Variants in ZNF423 observed in about 807,000 individuals in gnomAD.
ZNF423 encodes Ebf-associated zinc finger protein.
A neutral mutation model predicts 95.8 loss-of-function variants in ZNF423; 12 were observed. The ratio of observed to expected loss-of-function variants is 0.13; its 90% confidence interval spans 0.08 to 0.20. The LOEUF is 0.20. Ranked by LOEUF, ZNF423 falls within the 10% of genes least tolerant of loss-of-function variation. The pLI is 1.00. For synonymous variants in ZNF423, 749 were observed against 711.9 expected, an observed-to-expected ratio of 1.05 and a Z score of -0.83; for missense variants, 1,316 against 1,737.1, an observed-to-expected ratio of 0.76 and a Z score of 4.31.
At chr16:49,576,076 C>A (rs536980060) in intron 5 of ZNF423, among the ~76,000 whole-genome samples, 3 of 152,366 alleles carry the variant, frequency 2.0e-5, no homozygotes, top group African/African-American at 7.2e-5. Flanking sequence ...TCATCTTACC[C>A]TGTTCATCCC....
At chr16:49,784,276 C>T (rs751962452) in intron 2 of ZNF423, among the ~76,000 whole-genome samples, 6 of 152,156 alleles carry the variant, frequency 3.9e-5, no homozygotes, top group Non-Finnish European at 7.3e-5. Flanking sequence ...TGACACACAC[C>T]TGTAGTCCCC....
chr16:49,740,946 C>T (rs1447815989), intron 2 of ZNF423, among the ~76,000 whole-genome samples: 1 of 152,202 alleles, frequency 6.6e-6, no homozygotes, highest in African/African-American at 2.4e-5. Flanking sequence ...TGACCCCCAG[C>T]CCCTGTCAGG....
In ZNF423 at chr16:49,778,589, C is replaced by T. The variant is rs920040764; in HGVS notation, c.100+10898G>A. 3.3e-5 allele frequency among the ~76,000 whole-genome samples: 5 copies of T among 151,990 alleles called. 1 individual carries two copies. The South Asian group carries it at 8.3e-4, about 25-fold the overall frequency. On this transcript the variant is annotated intron_variant, in intron 2 of 7. Transcript: ENST00000563137. ...GAAACAAGCCATGCCTCACCAACCA[C>T]GGTGAACAAGAATGGTTCCCTACAG... is the stretch of plus-strand genomic sequence containing the variant.
rs7199862 is a variant in ZNF423 at position 49,699,759 on chromosome 16, T to C, written c.301+31012A>G. Reference sequence around the variant, plus strand: ...CCATGCCATCCCCACTGGATGAAAATTGAAGGGGCTCTGGCTGCCTGGTTC... The same window carrying C: ...CCATGCCATCCCCACTGGATGAAAACTGAAGGGGCTCTGGCTGCCTGGTTC... On this transcript the variant is annotated intron_variant, in intron 3 of 7. Coordinates refer to ENST00000563137, the MANE Select transcript of ZNF423 (RefSeq NM_001379286.1). Among the ~76,000 whole-genome samples, 937 of 152,276 alleles carry C rather than the reference T, an allele frequency of 6.2e-3. 13 individuals carry two copies. The highest frequency in any genetic ancestry group is 0.021 in the African/African-American group (869 of 41,538).
At chr16:49,842,285 AGGGGAGGGGAGGGGAGGGGAGGCG>A (rs2035192015) in intron 1 of ZNF423, among the ~76,000 whole-genome samples, 1 of 15,240 alleles carries the variant, frequency 6.6e-5, no homozygotes. Flanking sequence ...AGGGGAGGGG[AGGGGAGGGGAGGGGAGGGGAGGCG>A]AGGGAAGGGA....
chr16:49,837,187 AGCTGAG>A (rs988503496), intron 1 of ZNF423, among the ~76,000 whole-genome samples: 4 of 152,050 alleles, frequency 2.6e-5, no homozygotes, highest in Non-Finnish European at 4.4e-5. Flanking sequence ...GGCCCTGGCG[AGCTGAG>A]GCCTGGGGGT....
chr16:49,756,798 C>T (rs1243046775), intron 2 of ZNF423, among the ~76,000 whole-genome samples: 2 of 152,200 alleles, frequency 1.3e-5, no homozygotes, highest in Non-Finnish European at 1.5e-5. Flanking sequence ...TGAGTTCGGA[C>T]ACTTGTGAGC....
chr16:49,794,236 G>T (rs1360225496), intron 1 of ZNF423, among the ~76,000 whole-genome samples: 81 of 140,146 alleles, frequency 5.8e-4, no homozygotes, highest in African/African-American at 1.4e-3. Flanking sequence ...TTTTGTTTTT[G>T]TTTTTTTTTT....
intron 1 of ZNF423, chr16:49,853,890 C>A (rs2035328419): frequency 3.0e-6 from 3 of 985,380 alleles, no homozygotes; most frequent in Non-Finnish European, 3.6e-6. Context: ...GGTAAGCAAG[C>A]TTTGCAAACT....
chr16:49,655,956 C>T (rs1432228901), intron 3 of ZNF423, among the ~76,000 whole-genome samples: 2 of 152,092 alleles, frequency 1.3e-5, no homozygotes, highest in Non-Finnish European at 2.9e-5. Flanking sequence ...TTTTGTTCAT[C>T]GGGTCCAGGG....
chr16:49,842,979 A>G (rs1451189684), intron 1 of ZNF423, among the ~76,000 whole-genome samples: 1 of 147,936 alleles, frequency 6.8e-6, no homozygotes, highest in Admixed American at 6.7e-5. Flanking sequence ...CTCCGTCTCA[A>G]AAAAAAAAAA....
chr16:49,717,941 C>T (rs1897847164), intron 3 of ZNF423, among the ~76,000 whole-genome samples: 1 of 152,192 alleles, frequency 6.6e-6, no homozygotes. Context: ...TACTGAACTA[C>T]TGGACTACCC....
At chr16:49,491,413 A>G in intron 7 of ZNF423, 109 bp from the exon 8 acceptor site, 2 of 1,377,190 alleles carry the variant, frequency 1.5e-6, no homozygotes, top group Non-Finnish European at 1.0e-6. Flanking sequence ...CGTCTCGATT[A>G]TAACAAAACA....
chr16:49,747,056 A>G (rs1039277800), intron 2 of ZNF423, among the ~76,000 whole-genome samples: 5 of 152,290 alleles, frequency 3.3e-5, no homozygotes, highest in African/African-American at 1.2e-4. Context: ...CGGGGGAAAG[A>G]GTTTGAGCCA....
At chr16:49,681,446 G>A (rs894539555) in intron 3 of ZNF423, among the ~76,000 whole-genome samples, 8 of 152,220 alleles carry the variant, frequency 5.3e-5, no homozygotes, top group Admixed American at 3.3e-4. Flanking sequence ...ATGTACTCAC[G>A]CTGCCAAGTT....
Position 49,709,168 on chromosome 16 carries a change from T to TTATATATATATATATATA in ZNF423, c.301+21602_301+21603insTATATATATATATATATA, listed in dbSNP as rs534895949. 8.7e-4 allele frequency among the ~76,000 whole-genome samples: 81 copies of TTATATATATATATATATA among 93,442 alleles called. 3 individuals carry two copies. Among genetic ancestry groups the TTATATATATATATATATA allele is most frequent in the East Asian group, 4.1e-3 (13 of 3,148 alleles). 61.3% of individuals were successfully genotyped at this position (93,442 alleles called of 152,430 possible). ...AAAAACTCAAACGTTCAGCAGCCGT[T>TTATATATATATATATATA]TATATATATATATATGAAAACGGAG... On this transcript the variant is annotated intron_variant, in intron 3 of 7. Coordinates refer to ENST00000563137, the MANE Select transcript of ZNF423 (RefSeq NM_001379286.1).
intron 4 of ZNF423, among the ~76,000 whole-genome samples, chr16:49,634,490 C>T (rs1972612746): frequency 1.3e-5 from 2 of 152,160 alleles, no homozygotes; most frequent in Admixed American, 1.3e-4. Flanking sequence ...CTGTGGGGTC[C>T]TCCCTTTACT....
intron 1 of ZNF423, among the ~76,000 whole-genome samples, chr16:49,838,505 C>T (rs1318959778): frequency 6.6e-6 from 1 of 152,216 alleles, no homozygotes; most frequent in African/African-American, 2.4e-5. Context: ...GGCCCTGCGG[C>T]TGTCACTCGC....
At chr16:49,753,212 C>T (rs2033663935) in intron 2 of ZNF423, among the ~76,000 whole-genome samples, 1 of 152,098 alleles carries the variant, frequency 6.6e-6, no homozygotes, top group South Asian at 2.1e-4. Flanking sequence ...CCACTGCACT[C>T]CATCCTGGGC....
Sources: gnomAD v4.1 joint callset for allele counts (sites outside exome capture counted in the v4.1 genomes callset) on GRCh38, gnomAD v4.1.1 for gene constraint, MANE v1.5 for transcripts, NCBI Gene and HGNC (gene_info 2026-07-23, HGNC 2026-07-21) for gene names.